PPFIBP1: variants seen among roughly 807,000 people sequenced by gnomAD.
The protein encoded by PPFIBP1 is liprin-beta-1.
PPFIBP1 carries 112 observed loss-of-function variants against 137.8 expected under a neutral mutation model. The ratio of observed to expected loss-of-function variants is 0.81; its 90% CI spans 0.70 to 0.95. The LOEUF is 0.95. Among genes scored for constraint, PPFIBP1 ranks in the 40% least tolerant of loss-of-function variants. The pLI, the probability that PPFIBP1 is intolerant of heterozygous loss-of-function variation, is 0.00. For synonymous variants in PPFIBP1, 378 were observed against 417.3 expected (o/e 0.91, Z 1.15); for missense variants, 1,083 against 1,196.6 (o/e 0.91, Z 1.40).
In PPFIBP1 at chr12:27,674,225, A is replaced by G; in HGVS notation, c.1410+4A>G. The G allele has an allele frequency of 6.3e-7, 1 of 1,589,952 alleles. No individual in the cohort carries two copies. Among genetic ancestry groups the G allele is most frequent in the Non-Finnish European group, 8.6e-7 (1 of 1,166,314 alleles). ...AACTATTCAGAAGACTTCAGAGGTA[A>G]CTTTTTGTCCAAATTACAATGCAAA... On this transcript the variant is annotated splice_donor_region_variant and intron_variant, in intron 17 of 29. Coordinates refer to ENST00000228425, the MANE Select transcript of PPFIBP1 (RefSeq NM_003622.4).
At chr12:27,646,362 C>CTTGCAGG (rs972960904) in intron 5 of PPFIBP1, 8 of 576,290 alleles carry the variant, frequency 1.4e-5, no homozygotes, top group Non-Finnish European at 2.3e-5. Flanking sequence ...ATCCTCAGCT[C>CTTGCAGG]TTGCAGGACC....
intron 1 of PPFIBP1, among the ~76,000 whole-genome samples, chr12:27,560,318 G>A (rs983504225): frequency 1.3e-5 from 2 of 152,168 alleles, no homozygotes; most frequent in Non-Finnish European, 2.9e-5. Context: ...TGAATTAAAT[G>A]CAAAATGAGT....
intron 1 of PPFIBP1, among the ~76,000 whole-genome samples, chr12:27,562,858 A>G (rs1393784916): frequency 2.6e-5 from 4 of 152,226 alleles, no homozygotes; most frequent in Non-Finnish European, 5.9e-5. Flanking sequence ...TAATTCATAT[A>G]AAAGCAGTGC....
rs151269021 is a variant in PPFIBP1 at position 27,632,152 on chromosome 12, T to A, written c.-35-1210T>A. ...AGTTCTGGAAAATCCTTAGGTGAAA[T>A]GACTTTAAATCAAAATAATATTTTA... is the stretch of plus-strand genomic sequence containing the variant. On this transcript the variant is annotated intron_variant, in intron 2 of 29. Coordinates refer to ENST00000228425, the MANE Select transcript of PPFIBP1 (RefSeq NM_003622.4). Among the ~76,000 whole-genome samples, 10 of 152,314 alleles carry A rather than the reference T, an allele frequency of 6.6e-5. No homozygotes were observed. In the East Asian group the frequency reaches 1.5e-3, roughly 23 times the overall value.
intron 1 of PPFIBP1, among the ~76,000 whole-genome samples, chr12:27,564,102 AC>A (rs1324571719): frequency 6.6e-6 from 1 of 152,004 alleles, no homozygotes; most frequent in East Asian, 1.9e-4. Context: ...CGAACTCCTG[AC>A]CTTGTGATCC....
At chr12:27,677,401 C>T (rs2060588270) in intron 19 of PPFIBP1, 12 of 433,954 alleles carry the variant, frequency 2.8e-5, no homozygotes, top group Admixed American at 1.7e-4. Flanking sequence ...TACATTGCAG[C>T]TCTTTCAGCC....
chr12:27,663,526 T>C (rs2059675002), intron 11 of PPFIBP1, among the ~76,000 whole-genome samples: 1 of 151,924 alleles, frequency 6.6e-6, no homozygotes, highest in Admixed American at 6.6e-5. Context: ...GTCAGTCAAG[T>C]GCCATATGGA....
At chr12:27,596,471 G>C (rs2053320226) in intron 2 of PPFIBP1, among the ~76,000 whole-genome samples, 2 of 152,270 alleles carry the variant, frequency 1.3e-5, no homozygotes, top group Admixed American at 6.5e-5. Context: ...CCTGGAGGCT[G>C]TTTAAGTCAG....
intron 2 of PPFIBP1, among the ~76,000 whole-genome samples, chr12:27,614,441 C>G (rs1278066541): frequency 3.9e-5 from 6 of 152,172 alleles, no homozygotes; most frequent in Non-Finnish European, 8.8e-5. Context: ...TTTGCTTACA[C>G]ATTGAGGCCT....
At chr12:27,599,139 G>T (rs1426524055) in intron 2 of PPFIBP1, among the ~76,000 whole-genome samples, 1 of 152,226 alleles carries the variant, frequency 6.6e-6, no homozygotes, top group East Asian at 1.9e-4. Flanking sequence ...ATCTTGGCTA[G>T]GCCATGTGGT....
chr12:27,681,202 A>C (rs1175487038), intron 21 of PPFIBP1, among the ~76,000 whole-genome samples: 1 of 152,252 alleles, frequency 6.6e-6, no homozygotes, highest in Non-Finnish European at 1.5e-5. Context: ...AGTTTCTTTC[A>C]GTCCAACTGA....
At chr12:27,689,697 C>A (rs1488383878) in intron 27 of PPFIBP1, among the ~76,000 whole-genome samples, 6 of 152,122 alleles carry the variant, frequency 3.9e-5, no homozygotes, top group African/African-American at 1.4e-4. Flanking sequence ...CTTCTCCCTG[C>A]CTAGTTCCCA....
chr12:27,607,805 T>G (rs2054683474), intron 2 of PPFIBP1, among the ~76,000 whole-genome samples: 1 of 152,178 alleles, frequency 6.6e-6, no homozygotes, highest in African/African-American at 2.4e-5. Context: ...CCTCCCCGCT[T>G]TTTTTTCCTT....
chr12:27,621,812 T>C (rs924589368), intron 2 of PPFIBP1, among the ~76,000 whole-genome samples: 2 of 152,256 alleles, frequency 1.3e-5, no homozygotes, highest in African/African-American at 4.8e-5. Context: ...CGATTTTATG[T>C]GCTCACAAGT....
intron 5 of PPFIBP1, 78 bp from the exon 6 acceptor site, chr12:27,647,651 G>A (rs200231624): frequency 2.1e-4 from 155 of 754,200 alleles, no homozygotes; most frequent in Non-Finnish European, 2.7e-4. Flanking sequence ...TCCTTTTTTT[G>A]TTCCATTTAG....
intron 1 of PPFIBP1, among the ~76,000 whole-genome samples, chr12:27,555,961 T>G (rs1282520690): frequency 3.9e-5 from 6 of 152,230 alleles, no homozygotes; most frequent in Admixed American, 2.0e-4. Context: ...GAACTTAAAC[T>G]GTGAAGTTTA....
At chr12:27,551,170 C>T (rs1946740203) in intron 1 of PPFIBP1, among the ~76,000 whole-genome samples, 1 of 151,890 alleles carries the variant, frequency 6.6e-6, no homozygotes, top group African/African-American at 2.4e-5. Context: ...TACTTATAAC[C>T]ACGACAGACC....
intron 1 of PPFIBP1, among the ~76,000 whole-genome samples, chr12:27,559,173 T>C (rs1278121781): frequency 1.7e-5 from 2 of 119,644 alleles, no homozygotes; most frequent in Non-Finnish European, 3.9e-5. Context: ...AGGCCCTTAA[T>C]AGTGATTTTT....
chr12:27,553,374 A>C (rs1018172808), intron 1 of PPFIBP1, among the ~76,000 whole-genome samples: 3 of 152,128 alleles, frequency 2.0e-5, no homozygotes, highest in Non-Finnish European at 4.4e-5. Context: ...GTTCTTCTGC[A>C]GCCCTTTCTG....
Sources: gnomAD v4.1 joint callset for allele counts (sites outside exome capture counted in the v4.1 genomes callset) on GRCh38, gnomAD v4.1.1 for gene constraint, MANE v1.5 for transcripts, NCBI Gene and HGNC (gene_info 2026-07-23, HGNC 2026-07-21) for gene names.